The following CEP152 variants were observed in gnomAD, a reference collection of about 807,000 sequenced individuals.
The protein encoded by CEP152 is centrosomal protein of 152 kDa.
In CEP152, 132 loss-of-function variants were observed where a neutral mutation model predicts 188.9. That is an observed-to-expected ratio of 0.70 (90% CI 0.61 to 0.81). The LOEUF is 0.81. Ranked by LOEUF, CEP152 falls within the 30% of genes least tolerant of loss-of-function variation. The pLI is 0.00. For missense variants in CEP152, 1,914 were observed against 1,969.8 expected (o/e 0.97, Z 0.54); for synonymous variants, 649 against 666.6 (o/e 0.97, Z 0.41).
chr15:48,741,519 C>T (rs543335783), intron 26 of CEP152, 82 bp downstream of exon 26: 2 of 1,610,200 alleles, frequency 1.2e-6, no homozygotes, highest in Admixed American at 1.7e-5. Context: ...TCCTTACCTT[C>T]CCTGCCTTCT....
At chr15:48,729,997 C>G (rs561758063) in intron 2 of CEP152, among the ~76,000 whole-genome samples, 1 of 151,514 alleles carries the variant, frequency 6.6e-6, no homozygotes, top group Non-Finnish European at 1.5e-5. Context: ...CCCCACCGGC[C>G]CCCCCCAAAA....
rs755811900 is a variant in CEP152 at position 48,738,585 on chromosome 15, C to T, written c.4797G>A (p.Leu1599=). 1 of 1,614,138 alleles carries T rather than the reference C, an allele frequency of 6.2e-7. No individual in the cohort carries two copies. The highest frequency in any genetic ancestry group is 8.5e-7 in the Non-Finnish European group (1 of 1,180,028). The change falls in exon 27 of 27, where the codon TTG becomes TTA. Residue 1599 remains leucine, a synonymous_variant. Coordinates refer to ENST00000380950, the MANE Select transcript of CEP152 (RefSeq NM_001194998.2). ...SFVHGRPQGT[L]EIPSESVKSK... ...ATTTAACAGATTCACTTGGTATTTC[C>T]AAAGTTCCTTGTGGCCTACCATGTA...
chr15:48,759,003 C>A (rs989519633), intron 19 of CEP152, among the ~76,000 whole-genome samples: 15 of 152,114 alleles, frequency 9.9e-5, no homozygotes, highest in Non-Finnish European at 1.5e-5. Flanking sequence ...AGCTCTGAGA[C>A]ACATATCCTC....
intron 2 of CEP152, among the ~76,000 whole-genome samples, chr15:48,803,200 C>G (rs1173765672): frequency 6.6e-6 from 1 of 151,608 alleles, no homozygotes; most frequent in Non-Finnish European, 1.5e-5. Flanking sequence ...TAGCCACAAT[C>G]CCAAAGCCAC....
intron 12 of CEP152, among the ~76,000 whole-genome samples, chr15:48,780,496 C>G (rs532639515): frequency 6.6e-6 from 1 of 152,292 alleles, no homozygotes; most frequent in African/African-American, 2.4e-5. Context: ...TAAACACTCT[C>G]TGGAAACTAC....
chr15:48,742,180 C>T (rs1893028552), intron 24 of CEP152, 80 bp from the exon 25 acceptor site: 1 of 1,260,954 alleles, frequency 7.9e-7, no homozygotes, highest in Non-Finnish European at 1.2e-6. Context: ...GACTTCAGAT[C>T]AATTTTCTGG....
intron 15 of CEP152, among the ~76,000 whole-genome samples, chr15:48,767,719 T>C (rs1036540753): frequency 1.3e-5 from 2 of 152,204 alleles, no homozygotes; most frequent in Non-Finnish European, 2.9e-5. Context: ...GTCCTTCAAA[T>C]AGAGATAGTA....
intron 9 of CEP152, among the ~76,000 whole-genome samples, chr15:48,787,157 G>A (rs1215265102): frequency 3.1e-5 from 2 of 64,544 alleles, no homozygotes; most frequent in African/African-American, 9.4e-5. Flanking sequence ...ATTTGGTATA[G>A]CCTTCGTTTT....
At chr15:48,759,551 T>C (rs1010881840) in intron 19 of CEP152, among the ~76,000 whole-genome samples, 1 of 152,230 alleles carries the variant, frequency 6.6e-6, no homozygotes, top group South Asian at 2.1e-4. Context: ...AGGGCTTGAC[T>C]ATAATTTTTC....
At chr15:48,805,030 C>G (rs1394384683) in intron 2 of CEP152, among the ~76,000 whole-genome samples, 1 of 152,198 alleles carries the variant, frequency 6.6e-6, no homozygotes, top group Non-Finnish European at 1.5e-5. Context: ...CAAGTCTCAG[C>G]TCATATATTG....
rs758970441 is a variant in CEP152, at chr15:48,756,194, A to G, written c.3054T>C (p.Thr1018=). The change falls in exon 20 of 27, where the codon ACT becomes ACC. Residue 1018 remains threonine, a synonymous_variant. Transcript: ENST00000380950. ...LLLQKETELQ[T]CLDQSRREWT... ...ATTCTCTACGACTCTGGTCTAGACA[A>G]GTTTGTAATTCTGTCTCCTTCTGAA... 3.1e-6 allele frequency: 5 copies of G among 1,613,860 alleles called. No individual in the cohort carries two copies. Among genetic ancestry groups the G allele is most frequent in the Non-Finnish European group, 3.4e-6 (4 of 1,179,920 alleles).
intron 9 of CEP152, among the ~76,000 whole-genome samples, chr15:48,785,249 T>TG (rs1330802364): frequency 2.6e-5 from 4 of 152,152 alleles, no homozygotes; most frequent in Non-Finnish European, 5.9e-5. Flanking sequence ...AGTCTCCCAT[T>TG]TTAGCTTAAA....
chr15:48,761,024 T>C (rs1894645137), intron 18 of CEP152, among the ~76,000 whole-genome samples: 2 of 152,104 alleles, frequency 1.3e-5, no homozygotes, highest in Admixed American at 6.5e-5. Flanking sequence ...AGTTAAGAAA[T>C]GGGGAAAAGA....
chr15:48,748,731 T>C, intron 21 of CEP152, 121 bp from the exon 22 acceptor site: 2 of 1,037,010 alleles, frequency 1.9e-6, no homozygotes, highest in Non-Finnish European at 2.6e-6. Context: ...ACAGCACGAC[T>C]GAAAGAGTGT....
rs1892697337 is a variant in CEP152 at position 48,738,150 on chromosome 15, A to G, written c.*99T>C. 1 of 1,230,142 alleles carries G rather than the reference A, an allele frequency of 8.1e-7. No homozygotes were observed. The highest frequency in any genetic ancestry group is 2.5e-5 in the East Asian group (1 of 39,232). 76.2% of individuals were successfully genotyped at this position (1,230,142 alleles called of 1,614,324 possible). ...CTTATATAACAGATGTTATTAAAAC[A>G]TCTCAAAAGAGGCAGGGCTCACAAT... On this transcript the variant is annotated 3_prime_UTR_variant, in exon 27 of 27. Coordinates refer to ENST00000380950, the MANE Select transcript of CEP152 (RefSeq NM_001194998.2).
intron 19 of CEP152, 50 bp downstream of exon 19, chr15:48,760,084 AG>A (rs1159025461): frequency 4.3e-6 from 7 of 1,612,300 alleles, no homozygotes; most frequent in Non-Finnish European, 5.9e-6. Context: ...AGATAAGAGA[AG>A]GGGTCAGGTA....
intron 25 of CEP152, 32 bp from the exon 26 acceptor site, chr15:48,741,736 G>C: frequency 6.2e-7 from 1 of 1,613,396 alleles, no homozygotes; most frequent in Non-Finnish European, 8.5e-7. Context: ...TAAAAATATA[G>C]TTTAAAGGAA....
At chr15:48,746,030 T>C (rs1487142610) in intron 22 of CEP152, among the ~76,000 whole-genome samples, 2 of 152,150 alleles carry the variant, frequency 1.3e-5, no homozygotes, top group Non-Finnish European at 2.9e-5. Context: ...GTGATGGATA[T>C]AACTTTTTGT....
At chr15:48,764,663 T>C (rs1256732655) in intron 17 of CEP152, among the ~76,000 whole-genome samples, 1 of 152,122 alleles carries the variant, frequency 6.6e-6, no homozygotes, top group Non-Finnish European at 1.5e-5. Context: ...GTGTATATGA[T>C]TTTTTCCCCC....
Sources: allele counts gnomAD v4.1 joint callset (sites outside exome capture counted in the v4.1 genomes callset), GRCh38; gene constraint gnomAD v4.1.1; transcripts MANE v1.5; gene names NCBI Gene and HGNC (gene_info 2026-07-23, HGNC 2026-07-21).